Variants in DNAH6 observed in about 807,000 individuals in gnomAD.
DNAH6 encodes the protein dynein axonemal heavy chain 6, also known as axonemal beta dynein heavy chain 6.
Under a neutral mutation model 491.4 loss-of-function variants are expected in DNAH6, and 340 were observed. The observed-to-expected ratio is 0.69, with a 90% CI of 0.63 to 0.76. DNAH6 has a LOEUF of 0.76. DNAH6 is among the 30% of genes least tolerant of loss of function. The pLI is 0.00. For synonymous variants in DNAH6, 1,603 were observed against 1,686.1 expected, an observed-to-expected ratio of 0.95 and a Z score of 1.21; for missense variants, 4,443 against 4,972.2, an observed-to-expected ratio of 0.89 and a Z score of 3.20.
chr2:84,728,092 G>A (rs1698809320), intron 61 of DNAH6, among the ~76,000 whole-genome samples, 190 bp downstream of exon 61: 1 of 152,118 alleles, frequency 6.6e-6, no homozygotes, highest in South Asian at 2.1e-4. Context: ...AGACCTGATG[G>A]TTTTATAAGG....
chr2:84,812,623 A>G (rs1414452077), intron 73 of DNAH6, 97 bp downstream of exon 73: 3 of 959,676 alleles, frequency 3.1e-6, no homozygotes, highest in African/African-American at 1.7e-5. Flanking sequence ...ACAGTCACTG[A>G]TGGATAATCT....
At chr2:84,555,879 G>T (rs970605937) in intron 10 of DNAH6, among the ~76,000 whole-genome samples, 29 of 152,038 alleles carry the variant, frequency 1.9e-4, no homozygotes, top group African/African-American at 6.8e-4. Context: ...CTGAGCCATG[G>T]TTGCACCCAC....
chr2:84,537,566 G>C (rs746148227), intron 4 of DNAH6, among the ~76,000 whole-genome samples: 2 of 152,064 alleles, frequency 1.3e-5, no homozygotes, highest in African/African-American at 2.4e-5. Context: ...GCAATAAGTG[G>C]TTCCGGGTTT....
the DNAH6 span, among the ~76,000 whole-genome samples, chr2:84,495,074 G>T: frequency 6.6e-6 from 1 of 152,196 alleles, no homozygotes; most frequent in East Asian, 1.9e-4. Context: ...CTCACTCTTA[G>T]AGAGTTTAAT....
chr2:84,666,178 T>C (rs879842124), intron 37 of DNAH6, among the ~76,000 whole-genome samples: 11 of 152,174 alleles, frequency 7.2e-5, no homozygotes, highest in Non-Finnish European at 1.2e-4. Flanking sequence ...AGCATTCCCT[T>C]TGAAAACTGG....
intron 5 of DNAH6, 36 bp from the exon 6 acceptor site, chr2:84,547,232 A>G (rs1678873058): frequency 6.8e-7 from 1 of 1,464,110 alleles, no homozygotes; most frequent in Admixed American, 2.3e-5. Flanking sequence ...AATACAGAAT[A>G]TTTTTACTAA....
intron 41 of DNAH6, among the ~76,000 whole-genome samples, chr2:84,680,683 G>T (rs1409094522): frequency 6.6e-6 from 1 of 151,952 alleles, no homozygotes; most frequent in Non-Finnish European, 1.5e-5. Flanking sequence ...GACCAGCAGG[G>T]AGACCAGAAT....
chr2:84,677,398 AT>A (rs1161268803), intron 41 of DNAH6, among the ~76,000 whole-genome samples: 5 of 152,188 alleles, frequency 3.3e-5, no homozygotes, highest in African/African-American at 1.2e-4. Context: ...AGAAGGCTGC[AT>A]CTTAGGTCCC....
chr2:84,723,513 T>G (rs1250825269), intron 60 of DNAH6, among the ~76,000 whole-genome samples: 3 of 152,188 alleles, frequency 2.0e-5, no homozygotes, highest in Non-Finnish European at 4.4e-5. Flanking sequence ...GAGTCCCATT[T>G]CTTTAGACAT....
intron 65 of DNAH6, among the ~76,000 whole-genome samples, chr2:84,784,355 C>A (rs559449845): frequency 6.6e-6 from 1 of 152,194 alleles, no homozygotes; most frequent in East Asian, 1.9e-4. Context: ...ATTGAAGGGT[C>A]AAAAAATCCT....
chr2:84,463,990 C>T, the DNAH6 span, among the ~76,000 whole-genome samples: 1 of 152,114 alleles, frequency 6.6e-6, no homozygotes, highest in Admixed American at 6.5e-5. Flanking sequence ...TTGTGACCCC[C>T]CATTCTACCA....
chr2:84,564,147 T>C lies in DNAH6; in HGVS notation c.1803+6212T>C, dbSNP rs116308595. On this transcript the variant is annotated intron_variant, in intron 11 of 76. Transcript: ENST00000389394. The stretch of plus-strand genomic sequence containing the variant: ...AGGTAATGTGCTGCCTTTACCTTTG[T>C]TGTTTTTGGTTAGAATTGCTTTGGC... Among the ~76,000 whole-genome samples, 325 of 152,306 alleles carry C rather than the reference T, an allele frequency of 2.1e-3. 1 individual carries two copies. Among genetic ancestry groups the C allele is most frequent in the Non-Finnish European group, 3.7e-3 (251 of 68,014 alleles).
At chr2:84,612,423 A>G (rs1182145925) in intron 22 of DNAH6, among the ~76,000 whole-genome samples, 1 of 152,114 alleles carries the variant, frequency 6.6e-6, no homozygotes, top group Non-Finnish European at 1.5e-5. Context: ...TGCTTAAAGT[A>G]AAAGCCTTGG....
the DNAH6 span, among the ~76,000 whole-genome samples, chr2:84,480,878 G>T: frequency 6.6e-6 from 1 of 151,948 alleles, no homozygotes; most frequent in Non-Finnish European, 1.5e-5. Flanking sequence ...CAGGAGAATC[G>T]ATTGAACCTG....
At position 84,722,711 on chromosome 2, in the gene DNAH6, A is replaced by C. The variant is rs759481411; in HGVS notation, c.9879A>C (p.Pro3293=). 2.1e-4 allele frequency: 319 copies of C among 1,549,198 alleles called. No homozygotes were observed. Among genetic ancestry groups the C allele is most frequent in the Non-Finnish European group, 2.7e-4 (305 of 1,146,044 alleles). ...MINVAREKYR[P]VATQGSVMYF... ...ATGTGGCTCGTGAGAAGTATCGTCC[A>C]GTGGCCACTCAAGGCTCTGTAATGT... Residue 3293 remains proline (P), a synonymous_variant, in exon 60 of 77, where the codon CCA becomes CCC. Transcript: ENST00000389394.
At chr2:84,674,726 T>G (rs1224665245) in intron 40 of DNAH6, among the ~76,000 whole-genome samples, 1 of 152,216 alleles carries the variant, frequency 6.6e-6, no homozygotes, top group Non-Finnish European at 1.5e-5. Context: ...ACGTGCCCTT[T>G]GCAGGTTTAG....
chr2:84,708,490 A>AGGGG (rs1696704739), intron 54 of DNAH6, among the ~76,000 whole-genome samples: 1 of 38,728 alleles, frequency 2.6e-5, no homozygotes, highest in Non-Finnish European at 5.0e-5. Flanking sequence ...GGGGGGAGGG[A>AGGGG]GGGAGGGAGG....
At chr2:84,714,507 A>G (rs1478603138) in intron 57 of DNAH6, among the ~76,000 whole-genome samples, 1 of 152,132 alleles carries the variant, frequency 6.6e-6, no homozygotes, top group Non-Finnish European at 1.5e-5. Flanking sequence ...ACAAAAATAT[A>G]GTTAGATAGA....
the DNAH6 span, among the ~76,000 whole-genome samples, chr2:84,502,727 G>A: frequency 1.3e-5 from 2 of 152,070 alleles, no homozygotes; most frequent in South Asian, 2.1e-4. Context: ...TTGCTGAATT[G>A]ACCCGTTTAT....
Sources: allele counts gnomAD v4.1 joint callset (sites outside exome capture counted in the v4.1 genomes callset), GRCh38; gene constraint gnomAD v4.1.1; transcripts MANE v1.5; gene names NCBI Gene and HGNC (gene_info 2026-07-23, HGNC 2026-07-21).